Variants in FKBP8 observed in about 807,000 individuals in gnomAD.
The protein encoded by FKBP8 is peptidyl-prolyl cis-trans isomerase FKBP8.
FKBP8 carries 5 observed loss-of-function variants against 41.7 expected under a neutral mutation model. The observed-to-expected ratio is 0.12, with a 90% confidence interval of 0.06 to 0.25. The LOEUF (loss-of-function observed/expected upper bound fraction) is 0.25, where lower values mean the gene tolerates loss of function less well. Among genes scored for constraint, FKBP8 ranks in the 10% least tolerant of loss-of-function variants. FKBP8 has a pLI of 1.00. For synonymous variants in FKBP8, 279 were observed against 254.5 expected (o/e 1.10, Z -0.92); for missense variants, 397 against 563.0 (o/e 0.71, Z 2.98).
In FKBP8 at chr19:18,541,768, T is replaced by C; in HGVS notation, c.203A>G (p.Gln68Arg). 6.2e-7 allele frequency: 1 copy of C among 1,614,064 alleles called. No homozygotes were observed. The highest frequency in any genetic ancestry group is 8.5e-7 in the Non-Finnish European group (1 of 1,179,990). Residue 68 changes from glutamine (Q) to arginine (R), a missense_variant, in exon 2 of 9, where the codon CAG (glutamine) becomes CGG (arginine). Around this residue, in one of 2 missense-constraint regions of FKBP8, gnomAD observed 172 missense variants for 196.2 expected, o/e 0.88. Transcript: ENST00000608443. ...GAACTCTCGGGCCAGGGCCCCAGGC[T>C]GCTCAGCCTCCTCCGCCGGGGGTTG... ...MGQPPAEEAE[Q>R]PGALAREFLA...
At chr19:18,532,294 G>C in intron 8 of FKBP8, 39 bp from the exon 9 acceptor site, 3 of 1,543,262 alleles carry the variant, frequency 1.9e-6, no homozygotes, top group African/African-American at 1.4e-5. Context: ...GTGGAGGGAG[G>C]TCAAGACTGG....
chr19:18,539,766 C>G, intron 2 of FKBP8, 46 bp from the exon 3 acceptor site: 5 of 1,592,878 alleles, frequency 3.1e-6, no homozygotes, highest in Non-Finnish European at 4.3e-6. Flanking sequence ...GCAGCTCAAA[C>G]AGGCACCCGC....
At chr19:18,535,537 C>G (rs543109636) in intron 6 of FKBP8, among the ~76,000 whole-genome samples, 35 of 151,912 alleles carry the variant, frequency 2.3e-4, no homozygotes, top group African/African-American at 8.0e-4. Context: ...TTTGGGAGGT[C>G]AAGGCAGGTG....
rs1212514690 is a variant in FKBP8, at chr19:18,532,170, C to T, written c.1241G>A (p.Ter414=). The T allele has an allele frequency of 6.3e-7, 1 of 1,598,214 alleles. No individual in the cohort carries two copies. ...ALSVVIAARN[*] Reference sequence around the variant, plus strand: ...AGGGGGTGGCAGCCACCTAGGTGGTCAGTTCCTGGCAGCGATGACCACAGA... The same window carrying T: ...AGGGGGTGGCAGCCACCTAGGTGGTTAGTTCCTGGCAGCGATGACCACAGA... Residue 414 remains the stop codon, a stop_retained_variant, in exon 9 of 9, where the codon TGA becomes TAA. Transcript: ENST00000608443.
chr19:18,540,206 C>T (rs1479268814), intron 2 of FKBP8, among the ~76,000 whole-genome samples: 3 of 152,052 alleles, frequency 2.0e-5, no homozygotes, highest in Non-Finnish European at 2.9e-5. Context: ...GTTTGGGCCT[C>T]GGTTTACCCA....
In FKBP8 at chr19:18,538,474, C is replaced by G; in HGVS notation, c.552-38G>C. 2.6e-6 allele frequency: 4 copies of G among 1,565,486 alleles called. No homozygotes were observed. The highest frequency in any genetic ancestry group is 2.3e-4 in the Middle Eastern group (1 of 4,424). On this transcript the variant is annotated intron_variant, in intron 4 of 8. Transcript: ENST00000608443. This position sits in a 1 kb window ranked among gnomAD's most constrained non-coding sequence, Gnocchi z 4.0. ...GAGCAGGCAGGGGCAGCACTCAGAC[C>G]TGGTGACCCCTAAACCCGCTGGGCT...
chr19:18,533,235 C>T, intron 7 of FKBP8, 35 bp downstream of exon 7: 1 of 1,522,742 alleles, frequency 6.6e-7, no homozygotes, highest in Non-Finnish European at 8.9e-7. Context: ...GACTTCCCAG[C>T]CGAGCAAGTC....
chr19:18,538,511 A>C lies in FKBP8; in HGVS notation c.552-75T>G, dbSNP rs1345536010. 8 of 1,308,074 alleles carry C rather than the reference A, an allele frequency of 6.1e-6. No homozygotes were observed. The highest frequency in any genetic ancestry group is 8.4e-6 in the Non-Finnish European group (8 of 951,402). 81.0% of individuals were successfully genotyped at this position (1,308,074 alleles called of 1,614,324 possible). A position where few individuals can be genotyped will look rare whatever the true frequency, so the allele number is the denominator to read the frequency against. On this transcript the variant is annotated intron_variant, in intron 4 of 8. Coordinates refer to ENST00000608443, the MANE Select transcript of FKBP8 (RefSeq NM_012181.5). The surrounding 1 kb of genome is among the most constrained non-coding windows in gnomAD (Gnocchi z 4.0). ...AAACCCGCTGGGCTGGCTAGGAAGGAGTGAGCTTGGCTCAAGCCCCCGATC... is the reference window on the plus strand; with the variant it reads ...AAACCCGCTGGGCTGGCTAGGAAGGCGTGAGCTTGGCTCAAGCCCCCGATC...
rs1008681600 is a variant in FKBP8 at position 18,538,211 on chromosome 19, G to A, written c.772+5C>T. On this transcript the variant is annotated splice_donor_5th_base_variant and intron_variant, in intron 5 of 8. Transcript: ENST00000608443. The surrounding 1 kb of genome is among the most constrained non-coding windows in gnomAD (Gnocchi z 4.0). The stretch of plus-strand genomic sequence containing the variant: ...AGATGGTGGAGATCTGACCCAGGCG[G>A]TCACCTTTGGCGCTGGAGGTGATAG... 5 of 1,598,514 alleles carry A rather than the reference G, an allele frequency of 3.1e-6. No individual in the cohort carries two copies. The South Asian group carries it at 5.6e-5, about 18-fold the overall frequency.
intron 1 of FKBP8, chr19:18,542,505 C>A (rs192021720): frequency 4.7e-4 from 84 of 180,618 alleles, no homozygotes; most frequent in Middle Eastern, 2.7e-3. Flanking sequence ...GAAATTGAAT[C>A]TTTTACCAGG....
intron 7 of FKBP8, 71 bp from the exon 8 acceptor site, chr19:18,532,866 G>A: frequency 6.3e-7 from 1 of 1,576,472 alleles, no homozygotes; most frequent in Non-Finnish European, 8.6e-7. Context: ...GCCTTACTGG[G>A]ACCCTAGGCT....
chr19:18,532,397 C>T lies in FKBP8; in HGVS notation c.1156-142G>A, dbSNP rs927746109. On this transcript the variant is annotated intron_variant, in intron 8 of 8. Transcript: ENST00000608443. The stretch of plus-strand genomic sequence containing the variant: ...TTTCCCACTTCCTGGCAAACTCCTA[C>T]TCATGCAGCAAAACCCAAATCAAAT... 6 of 975,062 alleles carry T rather than the reference C, an allele frequency of 6.2e-6. No individual in the cohort carries two copies. The Admixed American group carries it at 8.7e-5, about 14-fold the overall frequency. The allele number at this position is 975,062 out of a possible 1,614,324, so 60.4% of individuals were successfully genotyped here.
Position 18,538,142 on chromosome 19 carries a change from T to G in FKBP8, c.772+74A>C, listed in dbSNP as rs1976621274. Reference sequence around the variant, plus strand: ...AGAATATTCTGAGTCTGAGGCTCTCTGGGGCTGGAAGTTTCTGGCACGGAG... The same window carrying G: ...AGAATATTCTGAGTCTGAGGCTCTCGGGGGCTGGAAGTTTCTGGCACGGAG... On this transcript the variant is annotated intron_variant, in intron 5 of 8. Coordinates refer to ENST00000608443, the MANE Select transcript of FKBP8 (RefSeq NM_012181.5). This position sits in a 1 kb window ranked among gnomAD's most constrained non-coding sequence, Gnocchi z 4.0. 6.9e-7 allele frequency: 1 copy of G among 1,455,822 alleles called. No individual in the cohort carries two copies. Among genetic ancestry groups the G allele is most frequent in the Admixed American group, 2.0e-5 (1 of 51,046 alleles). The allele number at this position is 1,455,822 out of a possible 1,614,324, so 90.2% of individuals were successfully genotyped here.
chr19:18,532,376 C>T, intron 8 of FKBP8, 121 bp from the exon 9 acceptor site: 1 of 1,086,738 alleles, frequency 9.2e-7, no homozygotes, highest in Non-Finnish European at 1.4e-6. Context: ...TATGTATTTC[C>T]CACTTCCTGG....
intron 7 of FKBP8, chr19:18,532,996 G>T: frequency 1.1e-6 from 1 of 869,778 alleles, no homozygotes; most frequent in Non-Finnish European, 1.7e-6. Context: ...AGAGCACAAG[G>T]TAGCCAGGAG....
At chr19:18,541,527 A>G in intron 2 of FKBP8, 152 bp downstream of exon 2, 2 of 1,079,954 alleles carry the variant, frequency 1.9e-6, no homozygotes, top group Non-Finnish European at 2.6e-6. Flanking sequence ...GATAGAGTAC[A>G]TCAATGTGAA....
chr19:18,532,976 T>C (rs751380403), intron 7 of FKBP8, 181 bp from the exon 8 acceptor site: 4 of 1,012,442 alleles, frequency 4.0e-6, no homozygotes, highest in Non-Finnish European at 5.6e-6. Flanking sequence ...AGGGAGCCAA[T>C]TGATGGCGCA....
intron 6 of FKBP8, among the ~76,000 whole-genome samples, chr19:18,535,125 C>T: frequency 6.6e-6 from 1 of 152,178 alleles, no homozygotes; most frequent in African/African-American, 2.4e-5. Context: ...GGGCCATGTT[C>T]CCCAGGATGG....
Position 18,537,516 on chromosome 19 carries a change from C to T in FKBP8, c.945+85G>A. On this transcript the variant is annotated intron_variant, in intron 6 of 8. Coordinates refer to ENST00000608443, the MANE Select transcript of FKBP8 (RefSeq NM_012181.5). The surrounding 1 kb of genome is among the most constrained non-coding windows in gnomAD (Gnocchi z 4.4). ...CACAGAGCTCAGCTGGCTTATATAC[C>T]TATGCCTTTCTCAAATGCAGGGTTG... 5 of 1,326,838 alleles carry T rather than the reference C, an allele frequency of 3.8e-6. No individual in the cohort carries two copies. The highest frequency in any genetic ancestry group is 5.0e-6 in the Non-Finnish European group (5 of 991,696). The allele number at this position is 1,326,838 out of a possible 1,614,324, so 82.2% of individuals were successfully genotyped here.
Sources: gnomAD v4.1 joint callset for allele counts (sites outside exome capture counted in the v4.1 genomes callset) on GRCh38, gnomAD v4.1.1 for gene constraint, gnomAD v4.1.1 regional missense constraint, Gnocchi (gnomAD v3.1) non-coding constraint, MANE v1.5 for transcripts, NCBI Gene and HGNC (gene_info 2026-07-23, HGNC 2026-07-21) for gene names.